The following BAAT variants were observed in gnomAD, a reference collection of about 807,000 sequenced individuals.
The protein encoded by BAAT is bile acid CoA: amino acid N-acyltransferase (glycine N-choloyltransferase).
BAAT carries 13 observed loss-of-function variants against 18.9 expected under a neutral mutation model. The observed-to-expected ratio is 0.69, with a 90% CI of 0.45 to 1.10. The LOEUF (loss-of-function observed/expected upper bound fraction) is 1.10, where lower values mean the gene tolerates loss of function less well. Among genes scored for constraint, BAAT ranks in the 50% least tolerant of loss-of-function variants. The probability of loss-of-function intolerance (pLI) is 0.00; values close to 1 mark genes in which losing one functional copy is unlikely to be tolerated. For missense variants in BAAT, 489 were observed against 504.0 expected (o/e 0.97, Z 0.28); for synonymous variants, 170 against 190.7 (o/e 0.89, Z 0.89).
rs75971020 is a variant in BAAT, at chr9:101,362,670, G to A, written c.1015C>T (p.Gln339Ter). ...KTINSKAHAEQAIGQLKRHGK... is the reference protein window; with the variant it reads ...KTINSKAHAE The stretch of plus-strand genomic sequence containing the variant: ...TGTCTCTTCAGCTGTCCTATGGCTT[G>A]TTCAGCGTGTGCTTTGCTGTTGATA... The change falls in exon 4 of 4, where the codon CAA (glutamine) becomes TAA (stop). Residue 339 changes from glutamine to a stop codon, truncating the protein, a stop_gained. Transcript: ENST00000259407. LOFTEE classifies it low-confidence loss of function (END_TRUNC). 1 of 1,593,742 alleles carries A rather than the reference G, an allele frequency of 6.3e-7. No homozygotes were observed. The highest frequency in any genetic ancestry group is 1.8e-5 in the Admixed American group (1 of 56,718).
At chr9:101,380,264 C>T (rs1830111227) in intron 1 of BAAT, among the ~76,000 whole-genome samples, 1 of 152,198 alleles carries the variant, frequency 6.6e-6, no homozygotes, top group Non-Finnish European at 1.5e-5. Flanking sequence ...TACCCTTAGG[C>T]AAATTCCTAC....
chr9:101,369,917 G>GT (rs1462130538), intron 2 of BAAT, among the ~76,000 whole-genome samples: 2 of 151,986 alleles, frequency 1.3e-5, no homozygotes, highest in African/African-American at 4.8e-5. Flanking sequence ...AACTATGAGC[G>GT]TTCTGATAAG....
At chr9:101,376,360 A>C (rs1830046611) in intron 1 of BAAT, 2 of 208,876 alleles carry the variant, frequency 9.6e-6, no homozygotes, top group African/African-American at 4.7e-5. Context: ...TCCAGGCATT[A>C]CTCATCCTCT....
In BAAT at chr9:101,372,089, G is replaced by A. The variant is rs558752758; in HGVS notation, c.-59-626C>T. Among the ~76,000 whole-genome samples, 8 of 152,232 alleles carry A rather than the reference G, an allele frequency of 5.3e-5. No individual in the cohort carries two copies. The East Asian group carries it at 7.7e-4, about 15-fold the overall frequency. On this transcript the variant is annotated intron_variant, in intron 1 of 3. Coordinates refer to ENST00000259407, the MANE Select transcript of BAAT (RefSeq NM_001701.4). ...AAATACCTCATGTTCTCAATTATAA[G>A]TGGGAGCTAAACATTGGGTACACAC...
At position 101,379,838 on chromosome 9, in the gene BAAT, G is replaced by A. The variant is rs563456226; in HGVS notation, c.-60+5017C>T. Reference sequence around the variant, plus strand: ...GTTGTTGTTCTGGCATACAAATTCTGTTTTTGATTGTAGTCCCTTGTGTGC... The same window carrying A: ...GTTGTTGTTCTGGCATACAAATTCTATTTTTGATTGTAGTCCCTTGTGTGC... On this transcript the variant is annotated intron_variant, in intron 1 of 3. Transcript: ENST00000259407. Among the ~76,000 whole-genome samples the A allele has an allele frequency of 1.3e-4, 20 of 152,248 alleles. No individual in the cohort carries two copies. The South Asian group carries it at 3.5e-3, about 27-fold the overall frequency.
chr9:101,378,247 C>T (rs939525316), intron 1 of BAAT, among the ~76,000 whole-genome samples: 1 of 151,994 alleles, frequency 6.6e-6, no homozygotes, highest in Admixed American at 6.6e-5. Context: ...TCATATGGAA[C>T]CAAAAAAGAG....
chr9:101,377,658 G>A (rs1359356465), intron 1 of BAAT, among the ~76,000 whole-genome samples: 1 of 152,070 alleles, frequency 6.6e-6, no homozygotes, highest in Non-Finnish European at 1.5e-5. Flanking sequence ...CATAATGAAT[G>A]GGCAAACCTG....
At chr9:101,375,709 CG>C (rs113245582) in intron 1 of BAAT, 1 of 153,288 alleles carries the variant, frequency 6.5e-6, no homozygotes, top group African/African-American at 2.4e-5. Context: ...GGGGTGCCAC[CG>C]AAGTTTCTGC....
intron 1 of BAAT, among the ~76,000 whole-genome samples, chr9:101,377,485 A>C (rs1830066300): frequency 6.6e-6 from 1 of 152,228 alleles, no homozygotes; most frequent in African/African-American, 2.4e-5. Context: ...GGTGGAGTAC[A>C]GAAGTTCCTG....
chr9:101,381,956 T>C (rs546612572), intron 1 of BAAT, among the ~76,000 whole-genome samples: 1 of 152,332 alleles, frequency 6.6e-6, no homozygotes. Flanking sequence ...CTTAGTCAAA[T>C]TGATTAGTAC....
chr9:101,376,792 T>G (rs1830055410), intron 1 of BAAT, among the ~76,000 whole-genome samples: 1 of 152,150 alleles, frequency 6.6e-6, no homozygotes, highest in African/African-American at 2.4e-5. Flanking sequence ...TCAAAATGAA[T>G]GGAAGAAATG....
chr9:101,379,281 G>A (rs563654408), intron 1 of BAAT, among the ~76,000 whole-genome samples: 5 of 152,312 alleles, frequency 3.3e-5, no homozygotes, highest in Admixed American at 2.0e-4. Flanking sequence ...GATTACAGGC[G>A]TGAGCCACCG....
At chr9:101,373,280 G>A (rs578214666) in intron 1 of BAAT, among the ~76,000 whole-genome samples, 1 of 152,134 alleles carries the variant, frequency 6.6e-6, no homozygotes, top group South Asian at 2.1e-4. Context: ...TGTCCCCATA[G>A]CCATAAAAAA....
chr9:101,364,461 C>T (rs751943578), intron 3 of BAAT, among the ~76,000 whole-genome samples: 11 of 152,188 alleles, frequency 7.2e-5, no homozygotes, highest in Non-Finnish European at 1.5e-4. Context: ...GTTTGAACCA[C>T]CTATCACCAA....
At chr9:101,366,605 G>A (rs1242967943) in intron 3 of BAAT, among the ~76,000 whole-genome samples, 2 of 152,038 alleles carry the variant, frequency 1.3e-5, no homozygotes, top group African/African-American at 4.8e-5. Flanking sequence ...GGCAAAGACC[G>A]TGAAAAAAGA....
chr9:101,377,612 A>G (rs1830068872), intron 1 of BAAT, among the ~76,000 whole-genome samples: 1 of 152,238 alleles, frequency 6.6e-6, no homozygotes, highest in Non-Finnish European at 1.5e-5. Flanking sequence ...ATCTCAAAAT[A>G]ATAAGAGCTA....
chr9:101,363,083 A>T (rs1829766753), intron 3 of BAAT, 68 bp from the exon 4 acceptor site: 1 of 1,434,102 alleles, frequency 7.0e-7, no homozygotes, highest in Non-Finnish European at 9.6e-7. Context: ...AATCTCAAAC[A>T]ACCAAAGAAC....
chr9:101,372,640 G>A (rs984924134), intron 1 of BAAT, among the ~76,000 whole-genome samples: 1 of 55,008 alleles, frequency 1.8e-5, no homozygotes, highest in Non-Finnish European at 3.9e-5. Context: ...TTTTTTTTTT[G>A]GTCTTTATTT....
chr9:101,368,646 T>C lies in BAAT; in HGVS notation c.467-324A>G, dbSNP rs536576916. Among the ~76,000 whole-genome samples the C allele has an allele frequency of 1.2e-4, 19 of 152,312 alleles. 1 individual carries two copies. The South Asian group carries it at 3.7e-3, about 30-fold the overall frequency. On this transcript the variant is annotated intron_variant, in intron 2 of 3. Coordinates refer to ENST00000259407, the MANE Select transcript of BAAT (RefSeq NM_001701.4). Reference sequence around the variant, plus strand: ...TACATTCAGAGACATATTTACTCTCTGCAGCTGAGGAAATGGGAATTCACA... The same window carrying C: ...TACATTCAGAGACATATTTACTCTCCGCAGCTGAGGAAATGGGAATTCACA...
Sources: allele counts gnomAD v4.1 joint callset (sites outside exome capture counted in the v4.1 genomes callset), GRCh38; gene constraint gnomAD v4.1.1; transcripts MANE v1.5; gene names NCBI Gene and HGNC (gene_info 2026-07-23, HGNC 2026-07-21).